Variants in MGA observed in about 807,000 individuals in gnomAD.
The protein encoded by MGA is MAX gene-associated protein.
MGA carries 40 observed loss-of-function variants against 261.1 expected under a neutral mutation model. The observed-to-expected ratio is 0.15, with a 90% confidence interval of 0.12 to 0.20. The LOEUF (loss-of-function observed/expected upper bound fraction) is 0.20, where lower values mean the gene tolerates loss of function less well. Ranked by LOEUF, MGA falls within the 10% of genes least tolerant of loss-of-function variation. The pLI, the probability that MGA is intolerant of heterozygous loss-of-function variation, is 1.00. For missense variants in MGA, 3,397 were observed against 3,630.5 expected (o/e 0.94, Z 1.65); for synonymous variants, 1,302 against 1,290.6 (o/e 1.01, Z -0.19).
At chr15:41,648,761 C>A (rs1307536264) in intron 1 of MGA, among the ~76,000 whole-genome samples, 2 of 152,026 alleles carry the variant, frequency 1.3e-5, no homozygotes, top group Non-Finnish European at 2.9e-5. Flanking sequence ...ATCTGTAGGC[C>A]ATACTAAGGA....
intron 1 of MGA, among the ~76,000 whole-genome samples, chr15:41,629,480 T>C (rs1329526163): frequency 6.6e-6 from 1 of 152,072 alleles, no homozygotes; most frequent in Non-Finnish European, 1.5e-5. Flanking sequence ...GTTGCGAATA[T>C]ACCTTTGGGA....
At position 41,696,253 on chromosome 15, in the gene MGA, TCAAA is replaced by T; in HGVS notation, c.1246_1249del (p.Asn416ValfsTer7). 6.2e-7 allele frequency: 1 copy of T among 1,613,928 alleles called. No homozygotes were observed. The highest frequency in any genetic ancestry group is 8.5e-7 in the Non-Finnish European group (1 of 1,179,898). On this transcript the variant is annotated frameshift_variant, in exon 3 of 24. Transcript: ENST00000219905. LOFTEE classifies it high-confidence loss of function. The stretch of plus-strand genomic sequence containing the variant: ...GACAGATGAAGAGACGGATGTATAC[TCAAA>T]CAGTGATGATGATCCTATACTAGAG...
At position 41,744,176 on chromosome 15, in the gene MGA, CTA is replaced by C. The variant is rs544012747; in HGVS notation, c.5212+1016_5212+1017del. Among the ~76,000 whole-genome samples the C allele has an allele frequency of 1.6e-4, 24 of 151,258 alleles. 1 individual carries two copies. The South Asian group carries it at 2.1e-3, about 13-fold the overall frequency. On this transcript the variant is annotated intron_variant, in intron 15 of 23. Transcript: ENST00000219905. ...AGTTCTGTTGAAGGGAAAAGTGAATCTATATATATATATGTGTGTGTGTGTAT... is the reference window on the plus strand; with the variant it reads ...AGTTCTGTTGAAGGGAAAAGTGAATCTATATATATATGTGTGTGTGTGTAT...
intron 15 of MGA, 74 bp from the exon 16 acceptor site, chr15:41,748,563 A>G: frequency 1.4e-6 from 2 of 1,474,494 alleles, no homozygotes; most frequent in Non-Finnish European, 9.1e-7. Flanking sequence ...CTTAAAAAAT[A>G]TTATGAATAC....
upstream of MGA, among the ~76,000 whole-genome samples, chr15:41,657,874 A>G (rs1046994700): frequency 6.6e-6 from 1 of 151,990 alleles, no homozygotes; most frequent in Non-Finnish European, 1.5e-5. Flanking sequence ...AACCGAAAGG[A>G]TTGGATCTGA....
intron 1 of MGA, among the ~76,000 whole-genome samples, chr15:41,628,128 T>C (rs1271974242): frequency 1.3e-5 from 2 of 152,076 alleles, no homozygotes; most frequent in Non-Finnish European, 2.9e-5. Context: ...CCCAGCACTT[T>C]GGGAGGCCGA....
intron 2 of MGA, among the ~76,000 whole-genome samples, chr15:41,679,640 A>G (rs954258012): frequency 3.4e-4 from 51 of 151,890 alleles, no homozygotes; most frequent in African/African-American, 1.2e-3. Context: ...TAGAAATACA[A>G]TTGATTTTTG....
intron 1 of MGA, among the ~76,000 whole-genome samples, chr15:41,649,210 C>T (rs984942910): frequency 3.3e-5 from 5 of 151,798 alleles, no homozygotes; most frequent in African/African-American, 9.7e-5. Context: ...GGTGAAACTT[C>T]GTCTCTACTG....
intron 23 of MGA, among the ~76,000 whole-genome samples, chr15:41,765,712 G>T (rs1406620816): frequency 6.6e-6 from 1 of 152,168 alleles, no homozygotes; most frequent in East Asian, 1.9e-4. Flanking sequence ...GAATCAAGAT[G>T]CATTTCTGCC....
At chr15:41,742,396 G>GA (rs1283835475) in intron 14 of MGA, 150 bp from the exon 15 acceptor site, 45 of 995,572 alleles carry the variant, frequency 4.5e-5, no homozygotes, top group South Asian at 9.2e-5. Context: ...TCTTAAAAAA[G>GA]AAAAAAAAGA....
At chr15:41,728,394 A>G (rs1039647047) in intron 10 of MGA, among the ~76,000 whole-genome samples, 1 of 152,198 alleles carries the variant, frequency 6.6e-6, no homozygotes, top group Non-Finnish European at 1.5e-5. Flanking sequence ...CACGCAGTCC[A>G]AATTCTGCAT....
chr15:41,762,494 A>C, intron 22 of MGA, 132 bp downstream of exon 22: 1 of 433,662 alleles, frequency 2.3e-6, no homozygotes, highest in Non-Finnish European at 3.6e-6. Flanking sequence ...TTTTTTTTGG[A>C]GACAGCTCTG....
chr15:41,694,232 A>G (rs996050785), intron 2 of MGA, among the ~76,000 whole-genome samples: 6 of 151,898 alleles, frequency 4.0e-5, no homozygotes, highest in African/African-American at 1.5e-4. Context: ...CCTGGCCAAC[A>G]TGGTAAAACC....
At chr15:41,690,005 A>G (rs7169496) in intron 2 of MGA, among the ~76,000 whole-genome samples, 112,814 of 152,100 alleles carry the variant, frequency 0.74, 43,437 homozygotes, top group East Asian at 0.89. Context: ...ACAGGATTGC[A>G]CAACCGTTAC....
intron 13 of MGA, among the ~76,000 whole-genome samples, chr15:41,737,728 C>T (rs2061865379): frequency 6.6e-6 from 1 of 152,076 alleles, no homozygotes; most frequent in Non-Finnish European, 1.5e-5. Context: ...CGCCTGTAAT[C>T]CCAGCACTTT....
chr15:41,749,499 T>A lies in MGA; in HGVS notation c.5892T>A (p.Ala1964=), dbSNP rs1220099682. 1 of 1,613,996 alleles carries A rather than the reference T, an allele frequency of 6.2e-7. No homozygotes were observed. The highest frequency in any genetic ancestry group is 8.5e-7 in the Non-Finnish European group (1 of 1,179,896). The change falls in exon 17 of 24, where the codon GCT becomes GCA. Residue 1964 remains alanine (A), a synonymous_variant. Transcript: ENST00000219905. ...CTAGCTCCATTCTTCAGCATGTTGCTTCCCTTCAGATGAAGAGAGAATCTC... is the reference window on the plus strand; with the variant it reads ...CTAGCTCCATTCTTCAGCATGTTGCATCCCTTCAGATGAAGAGAGAATCTC...
chr15:41,668,113 A>G (rs2412622), intron 1 of MGA, among the ~76,000 whole-genome samples: 44,688 of 150,892 alleles, frequency 0.3, 7,493 homozygotes, highest in Admixed American at 0.38. Context: ...ATCATATAGT[A>G]TTAAATTTAT....
chr15:41,670,212 C>G (rs918976446), intron 2 of MGA, among the ~76,000 whole-genome samples: 2 of 152,006 alleles, frequency 1.3e-5, no homozygotes, highest in African/African-American at 4.8e-5. Context: ...TTAGAATGTT[C>G]CTTGATATCC....
Position 41,764,953 on chromosome 15 carries a change from G to T in MGA, c.7812G>T (p.Leu2604Phe). The stretch of plus-strand genomic sequence containing the variant: ...TTGTGATGACTCCGCAAGGGCAATT[G>T]CTCACCCTAAAAGGTCCCCTATTCT... Residue 2604 changes from leucine (L) to phenylalanine (F), a missense_variant, in exon 23 of 24, where the codon TTG (leucine) becomes TTT (phenylalanine). Physicochemically the swap from Leu to Phe is conservative, Grantham distance 22. This residue lies in a region of MGA where 647 missense variants were observed against 642.4 expected (regional missense o/e 1.01). Transcript: ENST00000219905. 1 of 1,614,026 alleles carries T rather than the reference G, an allele frequency of 6.2e-7. No homozygotes were observed. Among genetic ancestry groups the T allele is most frequent in the Non-Finnish European group, 8.5e-7 (1 of 1,179,898 alleles).
Sources: allele counts gnomAD v4.1 joint callset (sites outside exome capture counted in the v4.1 genomes callset), GRCh38; gene constraint gnomAD v4.1.1; regional missense constraint gnomAD v4.1.1; transcripts MANE v1.5; gene names NCBI Gene and HGNC (gene_info 2026-07-23, HGNC 2026-07-21).